The following EPHB1 variants were observed in gnomAD, a reference collection of about 807,000 sequenced individuals.
The protein encoded by EPHB1 is ephrin type-B receptor 1.
Under a neutral mutation model 94.4 loss-of-function variants are expected in EPHB1, and 30 were observed. The observed-to-expected ratio is 0.32, with a 90% CI of 0.24 to 0.43. EPHB1 has a LOEUF of 0.43. EPHB1 is among the 20% of genes least tolerant of loss of function. EPHB1 has a pLI of 1.00. For synonymous variants in EPHB1, 522 were observed against 489.1 expected (o/e 1.07, Z -0.89); for missense variants, 1,055 against 1,308.3 (o/e 0.81, Z 2.99).
intron 9 of EPHB1, among the ~76,000 whole-genome samples, chr3:135,168,433 G>A (rs530234393): frequency 3.9e-5 from 6 of 152,316 alleles, no homozygotes; most frequent in African/African-American, 1.4e-4. Context: ...GATTTCAGAG[G>A]GATCAACCCT....
chr3:135,226,955 G>A (rs1464034907), intron 12 of EPHB1, among the ~76,000 whole-genome samples: 5 of 152,074 alleles, frequency 3.3e-5, no homozygotes, highest in African/African-American at 1.2e-4. Context: ...CTTCTAAGTG[G>A]GAGCAAAACA....
intron 1 of EPHB1, among the ~76,000 whole-genome samples, chr3:134,870,428 A>G (rs1213791401): frequency 3.3e-5 from 5 of 152,222 alleles, no homozygotes; most frequent in Non-Finnish European, 5.9e-5. Flanking sequence ...ACAAAGCAGG[A>G]AGTAGCCCCA....
At chr3:134,979,302 A>T (rs930292927) in intron 3 of EPHB1, among the ~76,000 whole-genome samples, 2 of 152,240 alleles carry the variant, frequency 1.3e-5, no homozygotes, top group Admixed American at 6.5e-5. Context: ...AAAGGGGGAA[A>T]AAAAGGCCAA....
Position 135,071,246 on chromosome 3 carries a change from A to T in EPHB1, c.806-35202A>T, listed in dbSNP as rs140399316. ...TGATTTCCTTTGTGCTGGGATGCAA[A>T]GGTGAAACCATACAATCTCTACTCC... On this transcript the variant is annotated intron_variant, in intron 3 of 15. Coordinates refer to ENST00000398015, the MANE Select transcript of EPHB1 (RefSeq NM_004441.5). 4.0e-3 allele frequency among the ~76,000 whole-genome samples: 611 copies of T among 152,352 alleles called. 1 individual carries two copies. Among genetic ancestry groups the T allele is most frequent in the Admixed American group, 8.0e-3 (123 of 15,294 alleles).
chr3:135,194,334 T>G (rs1942538760), intron 11 of EPHB1, among the ~76,000 whole-genome samples: 1 of 152,210 alleles, frequency 6.6e-6, no homozygotes, highest in Non-Finnish European at 1.5e-5. Flanking sequence ...CTTATACTTT[T>G]TTTCCCCATA....
At chr3:135,035,333 G>T (rs1936611488) in intron 3 of EPHB1, among the ~76,000 whole-genome samples, 1 of 152,192 alleles carries the variant, frequency 6.6e-6, no homozygotes, top group Non-Finnish European at 1.5e-5. Context: ...TCCACTGAAA[G>T]AAACTGGCTT....
rs866691831 is a variant in EPHB1 at position 135,180,045 on chromosome 3, C to T, written c.1882+63C>T. 6 of 1,594,028 alleles carry T rather than the reference C, an allele frequency of 3.8e-6. No individual in the cohort carries two copies. In the Middle Eastern group the frequency reaches 1.0e-3, roughly 267 times the overall value. The stretch of plus-strand genomic sequence containing the variant: ...GTCCAAACATCTTCTTTCCACCACC[C>T]TAGATGGTCTCTTTCAGTATGAAAA... On this transcript the variant is annotated intron_variant, in intron 10 of 15. Coordinates refer to ENST00000398015, the MANE Select transcript of EPHB1 (RefSeq NM_004441.5).
At chr3:134,943,792 G>C (rs1190386445) in intron 2 of EPHB1, among the ~76,000 whole-genome samples, 5 of 152,134 alleles carry the variant, frequency 3.3e-5, no homozygotes, top group African/African-American at 1.2e-4. Context: ...GGATAAAGGG[G>C]TAAGAAGGTC....
chr3:134,923,041 A>G (rs977072898), intron 1 of EPHB1, among the ~76,000 whole-genome samples: 1 of 152,158 alleles, frequency 6.6e-6, no homozygotes, highest in African/African-American at 2.4e-5. Context: ...GATGATCATT[A>G]TTAGTGCTGT....
At chr3:135,241,433 GAC>G (rs1943780899) in intron 13 of EPHB1, 136 bp downstream of exon 13, 2 of 1,107,770 alleles carry the variant, frequency 1.8e-6, no homozygotes, top group Non-Finnish European at 1.3e-6. Context: ...GGGATACAGG[GAC>G]ACCCTTAGCA....
At chr3:134,960,502 C>T (rs545511827) in intron 3 of EPHB1, among the ~76,000 whole-genome samples, 2 of 152,222 alleles carry the variant, frequency 1.3e-5, no homozygotes, top group African/African-American at 4.8e-5. Flanking sequence ...GTGGTTTAGT[C>T]CAGAAGAGTA....
intron 3 of EPHB1, among the ~76,000 whole-genome samples, chr3:135,030,935 T>G (rs990836758): frequency 3.3e-5 from 5 of 152,210 alleles, no homozygotes; most frequent in African/African-American, 1.2e-4. Context: ...GTGCGCCATT[T>G]TTTAAGCCCG....
At chr3:135,072,012 T>G (rs1319427584) in intron 3 of EPHB1, among the ~76,000 whole-genome samples, 1 of 152,138 alleles carries the variant, frequency 6.6e-6, no homozygotes, top group Non-Finnish European at 1.5e-5. Flanking sequence ...CAGAATAAGT[T>G]CCAGCTGCCA....
At chr3:135,166,818 C>T in intron 8 of EPHB1, 124 bp from the exon 9 acceptor site, 1 of 930,216 alleles carries the variant, frequency 1.1e-6, no homozygotes, top group South Asian at 1.6e-5. Flanking sequence ...GAGAGTTGCC[C>T]AGTCCCTAAT....
At chr3:134,848,054 C>T (rs2108298580) in intron 1 of EPHB1, among the ~76,000 whole-genome samples, 1 of 152,286 alleles carries the variant, frequency 6.6e-6, no homozygotes, top group Middle Eastern at 3.4e-3. Context: ...CTCAGTTTCC[C>T]ATCTATGTCT....
chr3:134,795,627 C>A lies in EPHB1; in HGVS notation c.-5C>A. 1 of 1,603,370 alleles carries A rather than the reference C, an allele frequency of 6.2e-7. No individual in the cohort carries two copies. Among genetic ancestry groups the A allele is most frequent in the Non-Finnish European group, 8.5e-7 (1 of 1,175,982 alleles). On this transcript the variant is annotated 5_prime_UTR_variant, in exon 1 of 16. Transcript: ENST00000398015. ...TGGTCTCGGCCTGCGGGCCGTCGGC[C>A]GGCGATGGCCCTGGATTATCTACTA... is the stretch of plus-strand genomic sequence containing the variant.
chr3:134,891,000 T>C (rs1039830096), intron 1 of EPHB1, among the ~76,000 whole-genome samples: 1 of 152,234 alleles, frequency 6.6e-6, no homozygotes, highest in Non-Finnish European at 1.5e-5. Context: ...ATGTTGACCA[T>C]GCTTTCCTCC....
At position 134,845,140 on chromosome 3, in the gene EPHB1, T is replaced by G. The variant is rs569784043; in HGVS notation, c.58+49451T>G. 1.1e-4 allele frequency among the ~76,000 whole-genome samples: 16 copies of G among 152,376 alleles called. No individual in the cohort carries two copies. In the East Asian group the frequency reaches 3.1e-3, roughly 29 times the overall value. On this transcript the variant is annotated intron_variant, in intron 1 of 15. Coordinates refer to ENST00000398015, the MANE Select transcript of EPHB1 (RefSeq NM_004441.5). ...TTCTACAGACCTGGCTTTGGGTCAG[T>G]AGAATGCTATTGATCCTTAGTTTCT...
At chr3:134,880,381 T>C (rs935622954) in intron 1 of EPHB1, among the ~76,000 whole-genome samples, 4 of 152,186 alleles carry the variant, frequency 2.6e-5, no homozygotes, top group African/African-American at 9.7e-5. Flanking sequence ...TCAGGGCTGG[T>C]TTGATGACTC....
Sources: gnomAD v4.1 joint callset for allele counts (sites outside exome capture counted in the v4.1 genomes callset) on GRCh38, gnomAD v4.1.1 for gene constraint, MANE v1.5 for transcripts, NCBI Gene and HGNC (gene_info 2026-07-23, HGNC 2026-07-21) for gene names.